DCAF6: variants seen among roughly 807,000 people sequenced by gnomAD.
DCAF6 encodes the protein DDB1 and CUL4 associated factor 6, also known as DDB1- and CUL4-associated factor 6.
Under a neutral mutation model 125.1 loss-of-function variants are expected in DCAF6, and 54 were observed. That is an observed-to-expected ratio of 0.43 (90% CI 0.35 to 0.54). The LOEUF (loss-of-function observed/expected upper bound fraction) is 0.54. DCAF6 is among the 20% of genes least tolerant of loss of function. The pLI, the probability that DCAF6 is intolerant of heterozygous loss-of-function variation, is 0.01. For synonymous variants in DCAF6, 371 were observed against 390.4 expected, an observed-to-expected ratio of 0.95 and a Z score of 0.58; for missense variants, 934 against 1,161.7, an observed-to-expected ratio of 0.80 and a Z score of 2.85.
chr1:167,863,921 T>C, the DCAF6 span, among the ~76,000 whole-genome samples: 1 of 152,058 alleles, frequency 6.6e-6, no homozygotes, highest in African/African-American at 2.4e-5. Context: ...TATCAGCACT[T>C]GGTTTTGGTT....
intron 12 of DCAF6, among the ~76,000 whole-genome samples, chr1:168,028,899 C>T (rs1227944521): frequency 6.6e-6 from 1 of 152,084 alleles, no homozygotes; most frequent in East Asian, 1.9e-4. Flanking sequence ...GTATTCCCCA[C>T]ACTGGAATAC....
the DCAF6 span, among the ~76,000 whole-genome samples, chr1:167,864,862 T>C: frequency 6.8e-6 from 1 of 148,040 alleles, no homozygotes; most frequent in Non-Finnish European, 1.5e-5. Context: ...CCCAGATGCA[T>C]TCAATCTGTA....
chr1:168,054,543 A>T lies in DCAF6; in HGVS notation c.2300+3610A>T, dbSNP rs541991736. On this transcript the variant is annotated intron_variant, in intron 17 of 21. Transcript: ENST00000367840. ...TTGGAGGGGACATGCAAACCATAGC[A>T]CATAGCTTTTACTATAAACCAAGTG... is the stretch of plus-strand genomic sequence containing the variant. Among the ~76,000 whole-genome samples the T allele has an allele frequency of 3.9e-5, 6 of 152,328 alleles. No individual in the cohort carries two copies. The South Asian group carries it at 1.0e-3, about 26-fold the overall frequency.
At chr1:167,872,915 C>T in the DCAF6 span, among the ~76,000 whole-genome samples, 1 of 151,376 alleles carries the variant, frequency 6.6e-6, no homozygotes, top group South Asian at 2.1e-4. Context: ...ACTAAAAATA[C>T]AAAAATTAGC....
intron 17 of DCAF6, among the ~76,000 whole-genome samples, chr1:168,054,657 A>G (rs908526872): frequency 6.6e-6 from 1 of 152,218 alleles, no homozygotes; most frequent in African/African-American, 2.4e-5. Context: ...CAAACATTTT[A>G]AAATTTATAA....
chr1:168,066,405 C>T lies in DCAF6; in HGVS notation c.2625C>T (p.Asp875=), dbSNP rs1558053084. 1 of 1,608,482 alleles carries T rather than the reference C, an allele frequency of 6.2e-7. No individual in the cohort carries two copies. Among genetic ancestry groups the T allele is most frequent in the South Asian group, 1.1e-5 (1 of 89,866 alleles). ...PILASSGIDY[D]IKIWSPLEES... ...TAGCCTCATCTGGCATAGATTATGA[C>T]ATAAAGATCTGGTCACCATTAGAAG... The change falls in exon 20 of 22, where the codon GAC becomes GAT. Residue 875 remains aspartate, a synonymous_variant. Transcript: ENST00000367840.
At chr1:167,865,706 G>A in the DCAF6 span, among the ~76,000 whole-genome samples, 2 of 152,152 alleles carry the variant, frequency 1.3e-5, no homozygotes, top group Non-Finnish European at 2.9e-5. Flanking sequence ...ACAAACTTTG[G>A]CAATTAAGAC....
chr1:167,922,536 A>C, the DCAF6 span, among the ~76,000 whole-genome samples: 1 of 152,108 alleles, frequency 6.6e-6, no homozygotes, highest in Non-Finnish European at 1.5e-5. Context: ...GAAGAAGGAA[A>C]TGGTAATGTA....
intron 7 of DCAF6, among the ~76,000 whole-genome samples, chr1:168,001,162 T>TG (rs1682555071): frequency 6.6e-6 from 1 of 151,996 alleles, no homozygotes. Context: ...CAGCTGGTTG[T>TG]GGTGGCACAT....
rs558268923 is a variant in DCAF6 at position 168,024,251 on chromosome 1, G to A, written c.1609+1204G>A. On this transcript the variant is annotated intron_variant, in intron 12 of 21. Coordinates refer to ENST00000367840, the MANE Select transcript of DCAF6 (RefSeq NM_001198956.2). ...AAAAAAAAAAAAAGAACAGAAAAAA[G>A]GCAGGTGATTGCCTTTATATATTTT... Among the ~76,000 whole-genome samples the A allele has an allele frequency of 5.5e-4, 82 of 148,612 alleles. No homozygotes were observed. The South Asian group carries it at 0.017, about 31-fold the overall frequency.
At chr1:167,915,699 C>T in the DCAF6 span, among the ~76,000 whole-genome samples, 1 of 152,190 alleles carries the variant, frequency 6.6e-6, no homozygotes, top group African/African-American at 2.4e-5. Flanking sequence ...GATCCACCTG[C>T]CTCGGCCTCT....
At chr1:167,923,554 G>A in the DCAF6 span, among the ~76,000 whole-genome samples, 1 of 152,116 alleles carries the variant, frequency 6.6e-6, no homozygotes, top group East Asian at 1.9e-4. Context: ...AAGGAGAATG[G>A]GGAATTATGG....
At chr1:167,945,909 A>G (rs1571597311) in intron 1 of DCAF6, among the ~76,000 whole-genome samples, 2 of 142,530 alleles carry the variant, frequency 1.4e-5, no homozygotes, top group Middle Eastern at 3.8e-3. Context: ...TTGTATGTTG[A>G]TTTTGTATCT....
intron 9 of DCAF6, 44 bp from the exon 10 acceptor site, chr1:168,004,489 G>T (rs1338957708): frequency 6.3e-7 from 1 of 1,596,634 alleles, no homozygotes; most frequent in Admixed American, 1.7e-5. Context: ...GTTGGTTTTA[G>T]AAAATATTTA....
At chr1:167,984,725 T>C (rs1679694588) in intron 4 of DCAF6, among the ~76,000 whole-genome samples, 1 of 152,218 alleles carries the variant, frequency 6.6e-6, no homozygotes, top group African/African-American at 2.4e-5. Flanking sequence ...TTGAATATAC[T>C]TTTTATATAT....
intron 14 of DCAF6, among the ~76,000 whole-genome samples, chr1:168,043,473 G>T (rs1688797817): frequency 6.6e-6 from 1 of 151,978 alleles, no homozygotes; most frequent in Non-Finnish European, 1.5e-5. Flanking sequence ...ATTTGTTTTG[G>T]TTGTATATGT....
intron 17 of DCAF6, among the ~76,000 whole-genome samples, chr1:168,052,718 T>G (rs1690104151): frequency 1.3e-5 from 2 of 152,240 alleles, no homozygotes; most frequent in South Asian, 4.1e-4. Flanking sequence ...TATAATCTGC[T>G]AAGATTCTGA....
intron 11 of DCAF6, 140 bp downstream of exon 11, chr1:168,016,091 G>A: frequency 1.7e-6 from 1 of 576,514 alleles, no homozygotes; most frequent in Non-Finnish European, 2.6e-6. Flanking sequence ...TTGCATATGG[G>A]TGGTATTCAA....
chr1:167,883,755 A>G, the DCAF6 span: 3 of 834,276 alleles, frequency 3.6e-6, no homozygotes, highest in East Asian at 2.6e-5. Flanking sequence ...GTACAACATG[A>G]CAGAGCCAGC....
Sources: allele counts gnomAD v4.1 joint callset (sites outside exome capture counted in the v4.1 genomes callset), GRCh38; gene constraint gnomAD v4.1.1; transcripts MANE v1.5; gene names NCBI Gene and HGNC (gene_info 2026-07-23, HGNC 2026-07-21).